Variants in CNTLN observed in about 807,000 individuals in gnomAD.
CNTLN encodes the protein centlein, centrosomal protein.
In CNTLN, 212 loss-of-function variants were observed where a neutral mutation model predicts 180.0. That is an observed-to-expected ratio of 1.18 (90% CI 1.05 to 1.32). The LOEUF is 1.32. Ranked by LOEUF, CNTLN falls within the 40% of genes most tolerant of loss-of-function variation. The pLI is 0.00. For synonymous variants in CNTLN, 722 were observed against 563.1 expected, an observed-to-expected ratio of 1.28 and a Z score of -3.99; for missense variants, 2,095 against 1,610.9, an observed-to-expected ratio of 1.30 and a Z score of -5.14.
chr9:17,517,251 G>A, the CNTLN span, among the ~76,000 whole-genome samples: 7 of 152,060 alleles, frequency 4.6e-5, no homozygotes, highest in East Asian at 1.2e-3. Context: ...AAATTAGCCA[G>A]TGTGGTGGCG....
At chr9:17,272,162 C>T (rs1208118021) in intron 5 of CNTLN, among the ~76,000 whole-genome samples, 2 of 148,742 alleles carry the variant, frequency 1.3e-5, no homozygotes, top group East Asian at 2.1e-4. Flanking sequence ...CTGCAACCTC[C>T]GCCTCCTGGG....
intron 2 of CNTLN, among the ~76,000 whole-genome samples, chr9:17,144,543 A>G (rs1410579792): frequency 2.6e-5 from 4 of 151,918 alleles, no homozygotes; most frequent in Admixed American, 2.0e-4. Flanking sequence ...CATAATTTTT[A>G]CTTTTCTCTT....
chr9:17,463,543 T>C (rs1588054265), intron 20 of CNTLN, among the ~76,000 whole-genome samples: 1 of 151,784 alleles, frequency 6.6e-6, no homozygotes, highest in Non-Finnish European at 1.5e-5. Flanking sequence ...AATAGTAAGA[T>C]GTTTAGATAG....
At chr9:17,476,724 A>C (rs1298739217) in intron 23 of CNTLN, among the ~76,000 whole-genome samples, 1 of 152,218 alleles carries the variant, frequency 6.6e-6, no homozygotes, top group Non-Finnish European at 1.5e-5. Flanking sequence ...AGGAAGCAGC[A>C]GAAAACTTTG....
intron 5 of CNTLN, among the ~76,000 whole-genome samples, chr9:17,270,764 A>G (rs1827875862): frequency 6.6e-6 from 1 of 151,938 alleles, no homozygotes; most frequent in South Asian, 2.1e-4. Flanking sequence ...AAATGTGTTG[A>G]TATTTGTAAC....
intron 8 of CNTLN, among the ~76,000 whole-genome samples, chr9:17,323,765 A>G (rs1006934251): frequency 1.3e-5 from 2 of 152,242 alleles, no homozygotes; most frequent in East Asian, 1.9e-4. Flanking sequence ...TGACAGGCCA[A>G]TTTAATAAAA....
At chr9:17,298,522 T>G in intron 7 of CNTLN, 170 bp downstream of exon 7, 1 of 1,311,004 alleles carries the variant, frequency 7.6e-7, no homozygotes, top group African/African-American at 1.5e-5. Context: ...TTTAAAATTT[T>G]TTGAATTTTC....
At chr9:17,186,196 G>A (rs566141188) in intron 2 of CNTLN, among the ~76,000 whole-genome samples, 1 of 152,240 alleles carries the variant, frequency 6.6e-6, no homozygotes, top group African/African-American at 2.4e-5. Context: ...ACATGTTCAT[G>A]CACACTGAGT....
the CNTLN span, among the ~76,000 whole-genome samples, chr9:17,525,981 G>A: frequency 1.3e-5 from 2 of 151,856 alleles, no homozygotes; most frequent in African/African-American, 4.8e-5. Flanking sequence ...TGTCGCCCAG[G>A]CTGGAGTGCA....
At chr9:17,149,512 CTTTTTTTTTTTT>C (rs55691769) in intron 2 of CNTLN, among the ~76,000 whole-genome samples, 8 of 106,156 alleles carry the variant, frequency 7.5e-5, no homozygotes, top group Non-Finnish European at 1.3e-4. Context: ...TTCTTTCTTT[CTTTTTTTTTTTT>C]TTTTTTTTTT....
intron 2 of CNTLN, among the ~76,000 whole-genome samples, chr9:17,195,933 G>A (rs1053888292): frequency 2.0e-5 from 3 of 152,168 alleles, no homozygotes; most frequent in Admixed American, 1.3e-4. Flanking sequence ...ATCTACATAA[G>A]ATTAAATTTT....
chr9:17,319,843 A>G (rs890616576), intron 8 of CNTLN, among the ~76,000 whole-genome samples: 1 of 152,006 alleles, frequency 6.6e-6, no homozygotes, highest in Non-Finnish European at 1.5e-5. Context: ...TCCTATCTCA[A>G]CTTGTAATCC....
chr9:17,283,011 T>G (rs899504155), intron 6 of CNTLN, among the ~76,000 whole-genome samples: 3 of 152,186 alleles, frequency 2.0e-5, no homozygotes, highest in African/African-American at 7.2e-5. Context: ...TCGTTTGAAG[T>G]CCGGTAGTGT....
chr9:17,465,324 C>T (rs1206722791), intron 21 of CNTLN, among the ~76,000 whole-genome samples: 1 of 150,504 alleles, frequency 6.6e-6, no homozygotes, highest in Non-Finnish European at 1.5e-5. Context: ...GATTTTCTTT[C>T]TCTTCTCTTC....
intron 1 of CNTLN, among the ~76,000 whole-genome samples, chr9:17,139,137 G>T (rs1252654366): frequency 6.6e-6 from 1 of 151,770 alleles, no homozygotes; most frequent in Non-Finnish European, 1.5e-5. Context: ...GCCCAGGCTG[G>T]GGTGCAGTGG....
At chr9:17,308,019 T>C (rs1382650904) in intron 7 of CNTLN, among the ~76,000 whole-genome samples, 2 of 123,992 alleles carry the variant, frequency 1.6e-5, no homozygotes, top group South Asian at 6.0e-4. Context: ...CACACACACA[T>C]TTTCGTTCTT....
At position 17,466,741 on chromosome 9, in the gene CNTLN, T is replaced by A. The variant is rs1831772281; in HGVS notation, c.3705T>A (p.Ser1235Arg). The A allele has an allele frequency of 6.2e-7, 1 of 1,610,310 alleles. No homozygotes were observed. Among genetic ancestry groups the A allele is most frequent in the South Asian group, 1.1e-5 (1 of 90,900 alleles). Residue 1235 changes from serine (S) to arginine (R), a missense_variant, in exon 23 of 26, where the codon AGT (serine) becomes AGA (arginine). By Grantham distance (110) the Ser-to-Arg change is moderately radical. Coordinates refer to ENST00000380647, the MANE Select transcript of CNTLN (RefSeq NM_017738.4). Reference sequence around the variant, plus strand: ...TTACTCTCCTAGTATCAAGAATAAGTGAGACTGAATCTGCAATGGCAGAAA... The same window carrying A: ...TTACTCTCCTAGTATCAAGAATAAGAGAGACTGAATCTGCAATGGCAGAAA... ...LKLTLLVSRI[S>R]ETESAMAEIE...
chr9:17,204,817 C>G (rs1365811767), intron 2 of CNTLN, among the ~76,000 whole-genome samples: 1 of 152,182 alleles, frequency 6.6e-6, no homozygotes, highest in Non-Finnish European at 1.5e-5. Flanking sequence ...TGCTCTGTTG[C>G]AGGGAGATGA....
At chr9:17,236,892 G>C (rs1386131798) in intron 5 of CNTLN, among the ~76,000 whole-genome samples, 1 of 151,972 alleles carries the variant, frequency 6.6e-6, no homozygotes, top group Non-Finnish European at 1.5e-5. Context: ...TTCACTTAAG[G>C]CTTAAGCTTA....
Sources: gnomAD v4.1 joint callset for allele counts (sites outside exome capture counted in the v4.1 genomes callset) on GRCh38, gnomAD v4.1.1 for gene constraint, MANE v1.5 for transcripts, NCBI Gene and HGNC (gene_info 2026-07-23, HGNC 2026-07-21) for gene names.